SPAG17: variants seen among roughly 807,000 people sequenced by gnomAD.
SPAG17 encodes the protein sperm-associated antigen 17.
Under a neutral mutation model 273.6 loss-of-function variants are expected in SPAG17, and 169 were observed. The observed-to-expected ratio is 0.62, with a 90% CI of 0.55 to 0.70. SPAG17 has a LOEUF of 0.70. SPAG17 is among the 30% of genes least tolerant of loss of function. SPAG17 has a pLI of 0.00. For missense variants in SPAG17, 2,557 were observed against 2,627.8 expected (o/e 0.97, Z 0.59); for synonymous variants, 825 against 873.2 (o/e 0.94, Z 0.97).
intron 30 of SPAG17, among the ~76,000 whole-genome samples, chr1:118,010,613 G>A (rs1396139888): frequency 6.6e-6 from 1 of 152,000 alleles, no homozygotes; most frequent in Non-Finnish European, 1.5e-5. Context: ...TAAAAACCCT[G>A]AAAGACAACC....
At chr1:118,143,109 G>A (rs575714384) in intron 3 of SPAG17, among the ~76,000 whole-genome samples, 1 of 152,300 alleles carries the variant, frequency 6.6e-6, no homozygotes, top group Admixed American at 6.5e-5. Context: ...AGCTCCAACT[G>A]AAATTATTTG....
At chr1:118,106,508 G>T (rs906645017) in intron 4 of SPAG17, among the ~76,000 whole-genome samples, 2 of 152,084 alleles carry the variant, frequency 1.3e-5, no homozygotes, top group African/African-American at 4.8e-5. Flanking sequence ...CTCATGCAGG[G>T]CTCTCTAACA....
chr1:118,022,888 T>C (rs1313463234), intron 28 of SPAG17, among the ~76,000 whole-genome samples: 2 of 152,154 alleles, frequency 1.3e-5, no homozygotes, highest in Non-Finnish European at 2.9e-5. Context: ...TTGCATTTAT[T>C]TGCCATCTTT....
At chr1:118,005,212 G>A (rs896718581) in intron 32 of SPAG17, among the ~76,000 whole-genome samples, 7 of 151,864 alleles carry the variant, frequency 4.6e-5, no homozygotes, top group African/African-American at 1.7e-4. Flanking sequence ...CCAATTATTC[G>A]GCTTGCCATT....
intron 48 of SPAG17, among the ~76,000 whole-genome samples, chr1:117,956,799 A>G (rs1237950960): frequency 6.6e-6 from 1 of 152,348 alleles, no homozygotes; most frequent in Middle Eastern, 3.4e-3. Flanking sequence ...ATATTCAACA[A>G]AAGGCTTTGG....
rs1437427926 is a variant in SPAG17 at position 117,996,492 on chromosome 1, A to G, written c.4931T>C (p.Val1644Ala). ...CATTCCTGATCCATCAGCATACATA[A>G]CAAAAAACCTATTTGAAGAAATAAA... ...IYGEHVPRFF[V>A]MYADGSGMEL... is the part of the protein sequence containing the mutation. Residue 1644 changes from valine (V) to alanine (A), a missense_variant, in exon 34 of 49, where the codon GTT becomes GCT. Physicochemically the swap from Val to Ala is moderately conservative, Grantham distance 64 (BLOSUM62 0). Transcript: ENST00000336338. 3 of 1,610,790 alleles carry G rather than the reference A, an allele frequency of 1.9e-6. No homozygotes were observed. The highest frequency in any genetic ancestry group is 4.5e-5 in the East Asian group (2 of 44,824).
intron 31 of SPAG17, among the ~76,000 whole-genome samples, chr1:118,006,215 T>C (rs924210867): frequency 2.6e-5 from 4 of 152,262 alleles, no homozygotes; most frequent in African/African-American, 9.6e-5. Flanking sequence ...CGTAACACTT[T>C]TATCATCGCC....
intron 20 of SPAG17, among the ~76,000 whole-genome samples, chr1:118,047,407 C>A (rs1215309354): frequency 6.6e-6 from 1 of 152,174 alleles, no homozygotes; most frequent in Non-Finnish European, 1.5e-5. Context: ...CCCCTCCATG[C>A]CTGCCCCAAT....
chr1:117,957,882 T>C (rs568066711), intron 48 of SPAG17, among the ~76,000 whole-genome samples: 1 of 152,334 alleles, frequency 6.6e-6, no homozygotes, highest in East Asian at 1.9e-4. Flanking sequence ...TTTCTCTTGG[T>C]CTCTACAGGT....
In SPAG17 at chr1:117,992,500, T is replaced by C. The variant is rs1171593558; in HGVS notation, c.5327A>G (p.Asn1776Ser). 1 of 1,612,546 alleles carries C rather than the reference T, an allele frequency of 6.2e-7. No homozygotes were observed. ...AACCTGCAGCCTCAGTTTCACCTCA[T>C]TCTTTATGACCTCATGCTGAATGAA... ...RQFIQHEVIK[N>S]EVKLRLQVSL... The change falls in exon 36 of 49, where the codon AAT (asparagine) becomes AGT (serine). Residue 1776 changes from asparagine to serine, a missense_variant. Transcript: ENST00000336338.
In SPAG17 at chr1:117,970,164, T is replaced by A. The variant is rs373810899; in HGVS notation, c.6327-48A>T. ...TAAATTTATGACATAATGAAACCCATGAGCAATGAATAAGCTGGGATGTTA... is the reference window on the plus strand; with the variant it reads ...TAAATTTATGACATAATGAAACCCAAGAGCAATGAATAAGCTGGGATGTTA... On this transcript the variant is annotated intron_variant, in intron 45 of 48. Coordinates refer to ENST00000336338, the MANE Select transcript of SPAG17 (RefSeq NM_206996.4). 45 of 1,560,338 alleles carry A rather than the reference T, an allele frequency of 2.9e-5. No individual in the cohort carries two copies. The African/African-American group carries it at 6.0e-4, about 21-fold the overall frequency.
chr1:117,975,272 A>AGT (rs1369203745), intron 43 of SPAG17, among the ~76,000 whole-genome samples: 1 of 152,210 alleles, frequency 6.6e-6, no homozygotes, highest in Admixed American at 6.5e-5. Context: ...GGAAAGCCAG[A>AGT]GTACCTGAAG....
intron 3 of SPAG17, among the ~76,000 whole-genome samples, chr1:118,124,427 T>C (rs1220064064): frequency 6.6e-6 from 1 of 152,228 alleles, no homozygotes; most frequent in African/African-American, 2.4e-5. Context: ...TTCAGATTCA[T>C]CTTTTGAAAT....
chr1:118,040,531 C>T (rs1485385907), intron 22 of SPAG17, among the ~76,000 whole-genome samples, 199 bp downstream of exon 22: 1 of 152,060 alleles, frequency 6.6e-6, no homozygotes, highest in African/African-American at 2.4e-5. Context: ...CCAGCTAAAC[C>T]CTTGACTGGC....
chr1:118,151,934 GA>G (rs1168666223), intron 1 of SPAG17, among the ~76,000 whole-genome samples: 1 of 152,190 alleles, frequency 6.6e-6, no homozygotes, highest in Non-Finnish European at 1.5e-5. Flanking sequence ...ACTTGGACAT[GA>G]AATTTTGCAT....
chr1:117,968,662 C>T (rs1048184369), intron 46 of SPAG17, among the ~76,000 whole-genome samples: 7 of 152,204 alleles, frequency 4.6e-5, no homozygotes, highest in African/African-American at 1.7e-4. Context: ...TGCTTGATGG[C>T]ATAGTCGTGA....
intron 42 of SPAG17, among the ~76,000 whole-genome samples, chr1:117,981,829 G>GT (rs1463312919): frequency 9.9e-5 from 15 of 152,276 alleles, no homozygotes; most frequent in Admixed American, 2.6e-4. Context: ...TTTGTTAAAT[G>GT]TATCTCTTTA....
At chr1:118,045,639 G>A (rs753834545) in intron 20 of SPAG17, among the ~76,000 whole-genome samples, 7 of 152,116 alleles carry the variant, frequency 4.6e-5, no homozygotes, top group Non-Finnish European at 1.0e-4. Flanking sequence ...GCTAGTTATC[G>A]AACCCAAGGA....
intron 45 of SPAG17, among the ~76,000 whole-genome samples, 171 bp from the exon 46 acceptor site, chr1:117,970,287 C>T (rs1654407940): frequency 6.6e-6 from 1 of 152,184 alleles, no homozygotes; most frequent in Admixed American, 6.5e-5. Context: ...GAATCTGGGG[C>T]CCATTTCACA....
Sources: gnomAD v4.1 joint callset for allele counts (sites outside exome capture counted in the v4.1 genomes callset) on GRCh38, gnomAD v4.1.1 for gene constraint, MANE v1.5 for transcripts, NCBI Gene and HGNC (gene_info 2026-07-23, HGNC 2026-07-21) for gene names.